Variants in IL18BP observed in about 807,000 individuals in gnomAD.
The protein encoded by IL18BP is interleukin 18 binding protein.
Under a neutral mutation model 19.9 loss-of-function variants are expected in IL18BP, and 23 were observed. That is an observed-to-expected ratio of 1.15 (90% CI 0.83 to 1.64). The LOEUF (loss-of-function observed/expected upper bound fraction) is 1.64. Ranked by LOEUF, IL18BP falls within the 40% of genes most tolerant of loss-of-function variation. The probability of loss-of-function intolerance (pLI) is 0.00; values close to 1 mark genes in which losing one functional copy is unlikely to be tolerated. For missense variants in IL18BP, 239 were observed against 240.7 expected, an observed-to-expected ratio of 0.99 and a Z score of 0.05; for synonymous variants, 107 against 101.0, an observed-to-expected ratio of 1.06 and a Z score of -0.35.
downstream of IL18BP, chr11:72,004,519 GGA>G: frequency 5.5e-6 from 7 of 1,268,536 alleles, no homozygotes; most frequent in Non-Finnish European, 6.6e-6. Context: ...TCAGGCCCTT[GGA>G]GAGAGGGAAA....
chr11:72,008,036 G>C (rs749713936), downstream of IL18BP: 1 of 455,824 alleles, frequency 2.2e-6, no homozygotes, highest in African/African-American at 2.0e-5. Context: ...CCTTGGGCAA[G>C]TGACTGCCCC....
chr11:72,003,422 G>T, downstream of IL18BP: 2 of 1,148,078 alleles, frequency 1.7e-6, no homozygotes, highest in South Asian at 1.2e-5. Flanking sequence ...TTTGGCTACT[G>T]TTGGCCTGGG....
Position 72,002,018 on chromosome 11 carries a change from A to G in IL18BP, c.*157A>G. On this transcript the variant is annotated 3_prime_UTR_variant, in exon 6 of 6. Coordinates refer to ENST00000393703, the MANE Select transcript of IL18BP (RefSeq NM_001039660.2). ...GGGTCCCTTCTCTCACCAAATTCAAACTCCATTCCCACCTACCTAGAAAAT... is the reference window on the plus strand; with the variant it reads ...GGGTCCCTTCTCTCACCAAATTCAAGCTCCATTCCCACCTACCTAGAAAAT... 1 of 1,050,968 alleles carries G rather than the reference A, an allele frequency of 9.5e-7. No individual in the cohort carries two copies. Among genetic ancestry groups the G allele is most frequent in the Non-Finnish European group, 1.4e-6 (1 of 730,028 alleles). 65.1% of individuals were successfully genotyped at this position (1,050,968 alleles called of 1,614,324 possible).
downstream of IL18BP, chr11:72,004,083 G>A (rs142985752): frequency 1.2e-3 from 1,983 of 1,612,896 alleles, 3 homozygotes; most frequent in Non-Finnish European, 1.5e-3. Flanking sequence ...GAAGGCCATC[G>A]ACTGGCGCCG....
downstream of IL18BP, chr11:72,003,472 C>A: frequency 6.4e-7 from 1 of 1,567,136 alleles, no homozygotes; most frequent in Non-Finnish European, 8.8e-7. Context: ...AGGCGGAGGA[C>A]CAGGTGAGGT....
downstream of IL18BP, chr11:72,004,845 ACCATAG>A (rs1188407429): frequency 6.5e-7 from 1 of 1,536,328 alleles, no homozygotes; most frequent in East Asian, 2.3e-5. Flanking sequence ...TGGTCAGTGG[ACCATAG>A]CTGTATGGAG....
In IL18BP at chr11:72,001,356, G is replaced by T. The variant is rs760561595; in HGVS notation, c.359+32G>T. 3.1e-6 allele frequency: 5 copies of T among 1,613,990 alleles called. No individual in the cohort carries two copies. In the Admixed American group the frequency reaches 8.3e-5, roughly 27 times the overall value. On this transcript the variant is annotated intron_variant, in intron 4 of 5. Coordinates refer to ENST00000393703, the MANE Select transcript of IL18BP (RefSeq NM_001039660.2). ...GTCGCAGCAGCCAGGTGGGTGGGAA[G>T]GAGGCCTTCTGCGGCCTTCTCATGA...
intron 1 of IL18BP, 87 bp from the exon 2 acceptor site, chr11:71,999,840 G>A (rs886912613): frequency 4.2e-5 from 30 of 714,456 alleles, no homozygotes; most frequent in African/African-American, 2.0e-4. Context: ...GCTATGCTAC[G>A]GGAGGAGAAG....
rs955442520 is a variant in IL18BP, at chr11:71,999,913, C to T, written c.-58-14C>T. The T allele has an allele frequency of 2.0e-6, 3 of 1,533,926 alleles. No homozygotes were observed. The highest frequency in any genetic ancestry group is 2.7e-6 in the Non-Finnish European group (3 of 1,113,518). ...GGGAGTGGTTTACCATTCTCCTCCC[C>T]CACCTTTCACCAGAGAAGAGGACGT... On this transcript the variant is annotated splice_polypyrimidine_tract_variant and intron_variant, in intron 1 of 5. Transcript: ENST00000393703.
chr11:72,001,830 C>A lies in IL18BP; in HGVS notation c.554C>A (p.Ser185Tyr), dbSNP rs375180520. 3.5e-4 allele frequency: 569 copies of A among 1,614,074 alleles called. No homozygotes were observed. The highest frequency in any genetic ancestry group is 4.5e-4 in the Non-Finnish European group (536 of 1,180,038). ...TLPPTQEALP[S>Y]SHSSPQQQG is the part of the protein sequence containing the mutation. Reference sequence around the variant, plus strand: ...CCCCCCACCCAAGAAGCCCTGCCCTCCAGCCACAGCAGTCCACAGCAGCAG... The same window carrying A: ...CCCCCCACCCAAGAAGCCCTGCCCTACAGCCACAGCAGTCCACAGCAGCAG... Residue 185 changes from serine to tyrosine, a missense_variant, in exon 6 of 6, where the codon TCC becomes TAC. Coordinates refer to ENST00000393703, the MANE Select transcript of IL18BP (RefSeq NM_001039660.2).
At chr11:72,007,413 C>G (rs368761248), downstream of IL18BP, 41 of 1,613,620 alleles carry the variant, frequency 2.5e-5, no homozygotes, top group African/African-American at 5.3e-4. Flanking sequence ...CTGGTGCCGT[C>G]TGGCTGGGTA....
At chr11:72,003,154 G>C (rs1166660259), downstream of IL18BP, 1 of 300,916 alleles carries the variant, frequency 3.3e-6, no homozygotes, top group Non-Finnish European at 6.3e-6. Context: ...GCAGGAACCA[G>C]GGCCTACTCC....
downstream of IL18BP, chr11:72,003,264 G>A: frequency 3.8e-6 from 2 of 526,654 alleles, no homozygotes; most frequent in Non-Finnish European, 6.8e-6. Flanking sequence ...TGATGGAGAA[G>A]TGACTTTGCT....
chr11:72,004,885 C>T, downstream of IL18BP: 1 of 1,433,866 alleles, frequency 7.0e-7, no homozygotes, highest in African/African-American at 1.4e-5. Context: ...TGGGGCTGTC[C>T]CAGAACTCTA....
chr11:72,004,071 C>T, downstream of IL18BP: 1 of 1,613,220 alleles, frequency 6.2e-7, no homozygotes, highest in Non-Finnish European at 8.5e-7. Flanking sequence ...GTTGAGGATG[C>T]TGAAGGCCAT....
rs377538130 is a variant in IL18BP, at chr11:72,001,421, A to G, written c.376A>G (p.Thr126Ala). The G allele has an allele frequency of 6.8e-6, 11 of 1,614,058 alleles. No homozygotes were observed. In the African/African-American group the frequency reaches 1.2e-4, roughly 18 times the overall value. Reference sequence around the variant, plus strand: ...CCGCTCCAGCCGGGAACGTGGGAGCACAGGTACGCAGCTGTGCAAGGCCTT... The same window carrying G: ...CCGCTCCAGCCGGGAACGTGGGAGCGCAGGTACGCAGCTGTGCAAGGCCTT... The part of the protein sequence containing the change: ...EGSTSRERGS[T>A]GTQLCKALVL... The change falls in exon 5 of 6, where the codon ACA (threonine) becomes GCA (alanine). Residue 126 changes from threonine (T) to alanine (A), a missense_variant. Thr to Ala is a moderately conservative substitution (Grantham distance 58). Coordinates refer to ENST00000393703, the MANE Select transcript of IL18BP (RefSeq NM_001039660.2).
In IL18BP at chr11:72,002,101, C is replaced by A. The variant is rs920453936; in HGVS notation, c.*240C>A. The A allele has an allele frequency of 1.6e-6, 1 of 614,584 alleles. No homozygotes were observed. Among genetic ancestry groups the A allele is most frequent in the Non-Finnish European group, 2.9e-6 (1 of 344,228 alleles). The allele number at this position is 614,584 out of a possible 1,614,324, so 38.1% of individuals were successfully genotyped here. ...CATTCTCTCTCCACCTATCCATTAGCCTTCCTAACGTCCTACTCCTCACAC... is the reference window on the plus strand; with the variant it reads ...CATTCTCTCTCCACCTATCCATTAGACTTCCTAACGTCCTACTCCTCACAC... On this transcript the variant is annotated 3_prime_UTR_variant, in exon 6 of 6. Transcript: ENST00000393703.
rs1314057785 is a variant in IL18BP, at chr11:72,001,775, C to A, written c.508-9C>A. ...TTGGCCTGATCCTTGTCTGCCTTCA[C>A]TTCCCTAGGCTGGGCTGAGGGCAAC... On this transcript the variant is annotated splice_polypyrimidine_tract_variant and intron_variant, in intron 5 of 5. Transcript: ENST00000393703. 1.2e-6 allele frequency: 2 copies of A among 1,614,132 alleles called. No homozygotes were observed.
At chr11:72,002,848 C>A, downstream of IL18BP, 1 of 207,576 alleles carries the variant, frequency 4.8e-6, no homozygotes, top group Non-Finnish European at 9.8e-6. Flanking sequence ...CCACACCGAT[C>A]AAGTCAACTC....
Sources: gnomAD v4.1 joint callset for allele counts on GRCh38, gnomAD v4.1.1 for gene constraint, MANE v1.5 for transcripts, NCBI Gene and HGNC (gene_info 2026-07-23, HGNC 2026-07-21) for gene names.